Variants in ACMSD observed in about 807,000 individuals in gnomAD.
The protein encoded by ACMSD is 2-amino-3-carboxymuconate-6-semialdehyde decarboxylase.
A neutral mutation model predicts 45.9 loss-of-function variants in ACMSD; 37 were observed. That is an observed-to-expected ratio of 0.81 (90% CI 0.62 to 1.06). The LOEUF (loss-of-function observed/expected upper bound fraction) is 1.06, where lower values mean the gene tolerates loss of function less well. ACMSD is among the 50% of genes least tolerant of loss of function. The pLI, the probability that ACMSD is intolerant of heterozygous loss-of-function variation, is 0.00. For synonymous variants in ACMSD, 138 were observed against 148.8 expected, an observed-to-expected ratio of 0.93 and a Z score of 0.53; for missense variants, 434 against 420.9, an observed-to-expected ratio of 1.03 and a Z score of -0.27.
intron 8 of ACMSD, among the ~76,000 whole-genome samples, chr2:134,887,270 A>C (rs1342059994): frequency 6.6e-6 from 1 of 152,234 alleles, no homozygotes; most frequent in African/African-American, 2.4e-5. Flanking sequence ...AAAGAAAAAT[A>C]AGTTAAAAAC....
At chr2:134,887,560 T>C (rs1559066762) in intron 8 of ACMSD, among the ~76,000 whole-genome samples, 1 of 152,150 alleles carries the variant, frequency 6.6e-6, no homozygotes, top group Non-Finnish European at 1.5e-5. Flanking sequence ...TGCACCACCA[T>C]ACCTGGCTAA....
intron 8 of ACMSD, among the ~76,000 whole-genome samples, chr2:134,886,173 T>C (rs1316545851): frequency 1.3e-5 from 2 of 151,520 alleles, no homozygotes; most frequent in Non-Finnish European, 2.9e-5. Flanking sequence ...ATTCATGAAA[T>C]AAATAGTATG....
At chr2:134,839,728 T>C (rs771924643) in intron 1 of ACMSD, among the ~76,000 whole-genome samples, 53 of 152,140 alleles carry the variant, frequency 3.5e-4, no homozygotes, top group Non-Finnish European at 4.1e-4. Flanking sequence ...AAACTGTGGA[T>C]TGAAAAACAA....
At chr2:134,873,839 A>G (rs1688593209) in intron 8 of ACMSD, among the ~76,000 whole-genome samples, 1 of 152,194 alleles carries the variant, frequency 6.6e-6, no homozygotes, top group Admixed American at 6.5e-5. Context: ...GCATGTAAGC[A>G]GAAGACTTCA....
At chr2:134,863,354 G>T in intron 4 of ACMSD, 41 bp from the exon 5 acceptor site, 1 of 1,577,166 alleles carries the variant, frequency 6.3e-7, no homozygotes, top group South Asian at 1.1e-5. Flanking sequence ...AAAAGAAGTA[G>T]GTTTTCAACA....
intron 3 of ACMSD, 128 bp downstream of exon 3, chr2:134,859,485 G>A: frequency 1.2e-6 from 1 of 821,300 alleles, no homozygotes. Flanking sequence ...GGCTGTTCCA[G>A]CTTCACTGTG....
At chr2:134,871,580 G>C (rs1179274069) in intron 7 of ACMSD, among the ~76,000 whole-genome samples, 1 of 146,878 alleles carries the variant, frequency 6.8e-6, no homozygotes, top group Non-Finnish European at 1.5e-5. Context: ...GTCTACAATA[G>C]TCCCCACTAT....
chr2:134,857,866 T>C (rs1243208389), intron 2 of ACMSD: 1 of 150,442 alleles, frequency 6.6e-6, no homozygotes, highest in Non-Finnish European at 1.5e-5. Context: ...AAAGTTCATG[T>C]ATGGCAATCC....
Position 134,863,601 on chromosome 2 carries a change from G to A in ACMSD, c.456G>A (p.Leu152=), listed in dbSNP as rs777997475. ...QIGTHVNEWD[L]NAQELFPVYA... ...GCACCCACGTCAACGAGTGGGACCT[G>A]AACGCGCAGGAGCTCTTTCCTGTCT... The change falls in exon 5 of 10, where the codon CTG becomes CTA. Residue 152 remains leucine (L), a synonymous_variant. Transcript: ENST00000356140. The A allele has an allele frequency of 1.2e-5, 19 of 1,614,086 alleles. No homozygotes were observed. In the African/African-American group the frequency reaches 2.0e-4, roughly 17 times the overall value.
chr2:134,849,955 G>A (rs1687252209), intron 2 of ACMSD, among the ~76,000 whole-genome samples: 1 of 127,350 alleles, frequency 7.9e-6, no homozygotes, highest in Non-Finnish European at 1.6e-5. Flanking sequence ...TCATCCCAGG[G>A]CCTTGGGAAC....
intron 2 of ACMSD, among the ~76,000 whole-genome samples, chr2:134,848,368 ATGGT>A (rs1687179005): frequency 6.6e-6 from 1 of 152,192 alleles, no homozygotes; most frequent in African/African-American, 2.4e-5. Context: ...GTCTTCTACA[ATGGT>A]TGAACTAACT....
intron 6 of ACMSD, among the ~76,000 whole-genome samples, chr2:134,869,800 C>T (rs986382108): frequency 4.6e-5 from 7 of 152,016 alleles, no homozygotes; most frequent in Admixed American, 3.3e-4. Flanking sequence ...GGAGGATTCC[C>T]AGCAGAGAAG....
At chr2:134,870,541 A>G (rs1688379327) in intron 6 of ACMSD, among the ~76,000 whole-genome samples, 1 of 152,194 alleles carries the variant, frequency 6.6e-6, no homozygotes, top group African/African-American at 2.4e-5. Flanking sequence ...AAGGCTCCAC[A>G]ACAGTCTTGC....
intron 2 of ACMSD, among the ~76,000 whole-genome samples, chr2:134,857,335 G>A (rs1687631095): frequency 6.6e-6 from 1 of 152,118 alleles, no homozygotes; most frequent in South Asian, 2.1e-4. Flanking sequence ...CTACTTGGGA[G>A]GCAAAGGCAG....
chr2:134,847,820 G>T (rs1687145165), intron 2 of ACMSD, among the ~76,000 whole-genome samples: 1 of 151,372 alleles, frequency 6.6e-6, no homozygotes, highest in Non-Finnish European at 1.5e-5. Context: ...AGTATTCCAT[G>T]GTATATATAT....
rs1002926874 is a variant in ACMSD, at chr2:134,895,318, T to A, written c.850-3023T>A. 4.1e-5 allele frequency among the ~76,000 whole-genome samples: 6 copies of A among 146,832 alleles called. No homozygotes were observed. The South Asian group carries it at 6.4e-4, about 16-fold the overall frequency. ...ACTGCATCTCAAAAAAGAAAAAAAA[T>A]ATATATATGTTATATATATAATATA... On this transcript the variant is annotated intron_variant, in intron 8 of 9. Transcript: ENST00000356140.
At chr2:134,848,021 T>C (rs890355909) in intron 2 of ACMSD, among the ~76,000 whole-genome samples, 2 of 152,110 alleles carry the variant, frequency 1.3e-5, no homozygotes, top group African/African-American at 4.8e-5. Context: ...CCAGCTAATT[T>C]TGTATTTTTA....
At chr2:134,862,631 G>C (rs766381122) in intron 4 of ACMSD, among the ~76,000 whole-genome samples, 34 of 152,118 alleles carry the variant, frequency 2.2e-4, no homozygotes, top group African/African-American at 2.4e-5. Flanking sequence ...ACATACTTCC[G>C]TGATCTGTGT....
intron 6 of ACMSD, among the ~76,000 whole-genome samples, chr2:134,870,064 G>A (rs889008371): frequency 2.0e-5 from 3 of 152,188 alleles, no homozygotes; most frequent in African/African-American, 7.2e-5. Context: ...GACCAGCCCC[G>A]GGCAGAATGA....
Sources: gnomAD v4.1 joint callset for allele counts (sites outside exome capture counted in the v4.1 genomes callset) on GRCh38, gnomAD v4.1.1 for gene constraint, MANE v1.5 for transcripts, NCBI Gene and HGNC (gene_info 2026-07-23, HGNC 2026-07-21) for gene names.